AOX1: variants seen among roughly 807,000 people sequenced by gnomAD.
The protein encoded by AOX1 is aldehyde oxidase 1.
A neutral mutation model predicts 169.5 loss-of-function variants in AOX1; 153 were observed. The observed-to-expected ratio is 0.90, with a 90% CI of 0.79 to 1.03. AOX1 has a LOEUF of 1.03. Among genes scored for constraint, AOX1 ranks in the 50% least tolerant of loss-of-function variants. The pLI is 0.00. For synonymous variants in AOX1, 562 were observed against 581.9 expected (o/e 0.97, Z 0.49); for missense variants, 1,656 against 1,663.9 (o/e 1.00, Z 0.08).
intron 4 of AOX1, 100 bp downstream of exon 4, chr2:200,597,605 G>T (rs543743557): frequency 1.7e-4 from 120 of 694,004 alleles, no homozygotes; most frequent in Admixed American, 3.6e-4. Flanking sequence ...GGGCCTGCTG[G>T]CTCGGCCACT....
chr2:200,668,600 T>C lies in AOX1; in HGVS notation c.3610-15T>C. 6.3e-7 allele frequency: 1 copy of C among 1,583,354 alleles called. No homozygotes were observed. Among genetic ancestry groups the C allele is most frequent in the Non-Finnish European group, 8.6e-7 (1 of 1,165,708 alleles). On this transcript the variant is annotated splice_polypyrimidine_tract_variant and intron_variant, in intron 32 of 34. Coordinates refer to ENST00000374700, the MANE Select transcript of AOX1 (RefSeq NM_001159.4). The stretch of plus-strand genomic sequence containing the variant: ...TTTCTCATACGTGGAAATTCTTTTT[T>C]TGTTCTTGCCTCAGATTGAAGGTGC...
intron 10 of AOX1, among the ~76,000 whole-genome samples, chr2:200,607,467 A>C (rs1168283068): frequency 6.6e-6 from 1 of 152,190 alleles, no homozygotes; most frequent in Non-Finnish European, 1.5e-5. Flanking sequence ...TCAGGAAACA[A>C]TAAATGCTGG....
At position 200,615,976 on chromosome 2, in the gene AOX1, A is replaced by T; in HGVS notation, c.1617A>T (p.Pro539=). ...EVSQILKKMD[P]VHYPSLADKY... Reference sequence around the variant, plus strand: ...GCAATGGTTCTACTTTTCAGGATCCAGTTCACTATCCTAGCCTTGCAGACA... The same window carrying T: ...GCAATGGTTCTACTTTTCAGGATCCTGTTCACTATCCTAGCCTTGCAGACA... The change falls in exon 16 of 35, where the codon CCA becomes CCT. Residue 539 remains proline (P), a synonymous_variant. Coordinates refer to ENST00000374700, the MANE Select transcript of AOX1 (RefSeq NM_001159.4). 1.2e-6 allele frequency: 2 copies of T among 1,612,164 alleles called. No individual in the cohort carries two copies. Among genetic ancestry groups the T allele is most frequent in the Non-Finnish European group, 1.7e-6 (2 of 1,178,212 alleles).
chr2:200,642,667 T>C lies in AOX1; in HGVS notation c.2713T>C (p.Cys905Arg). ...TGCTTACAAGTTTCCCAATCTCCGC[T>C]GCCGGGGTTGGGCATGCAGAACCAA... ...DNAYKFPNLR[C>R]RGWACRTNLP... is the part of the protein sequence containing the mutation. The change falls in exon 25 of 35, where the codon TGC becomes CGC. Residue 905 changes from cysteine to arginine, a missense_variant. Physicochemically the swap from Cys to Arg is radical, Grantham distance 180. Transcript: ENST00000374700. The C allele has an allele frequency of 6.2e-7, 1 of 1,614,174 alleles. No homozygotes were observed.
chr2:200,678,344 G>A (rs2036126641), downstream of AOX1: 1 of 152,192 alleles, frequency 6.6e-6, no homozygotes, highest in South Asian at 2.1e-4. Flanking sequence ...AATTTTAAAA[G>A]TGTATAGCTA....
At chr2:200,607,083 G>A (rs372336397) in intron 10 of AOX1, among the ~76,000 whole-genome samples, 2 of 152,216 alleles carry the variant, frequency 1.3e-5, no homozygotes, top group South Asian at 2.1e-4. Context: ...AATCCTTCCA[G>A]CTTTTGCCCA....
chr2:200,587,784 G>GT (rs1388154924), intron 1 of AOX1, among the ~76,000 whole-genome samples: 1 of 152,142 alleles, frequency 6.6e-6, no homozygotes, highest in African/African-American at 2.4e-5. Flanking sequence ...TGGCTTTGTT[G>GT]TTTAGACAAA....
intron 6 of AOX1, among the ~76,000 whole-genome samples, 195 bp from the exon 7 acceptor site, chr2:200,603,072 C>T (rs2034448562): frequency 6.6e-6 from 1 of 152,068 alleles, no homozygotes; most frequent in Non-Finnish European, 1.5e-5. Context: ...TTAGTAATCA[C>T]TGCTATTCAA....
chr2:200,625,769 A>C (rs989121075), intron 19 of AOX1, among the ~76,000 whole-genome samples: 11 of 152,164 alleles, frequency 7.2e-5, no homozygotes, highest in Non-Finnish European at 7.4e-5. Flanking sequence ...CTTTTTTTTC[A>C]ACCTGGAATC....
chr2:200,624,380 G>A (rs1347720472), intron 19 of AOX1, among the ~76,000 whole-genome samples: 2 of 152,176 alleles, frequency 1.3e-5, no homozygotes, highest in East Asian at 3.8e-4. Context: ...AGGAGCTGTT[G>A]GTTACTTCTA....
chr2:200,627,302 T>A (rs1354301089), intron 19 of AOX1, 51 bp from the exon 20 acceptor site: 1 of 1,283,792 alleles, frequency 7.8e-7, no homozygotes, highest in Non-Finnish European at 1.1e-6. Context: ...TCTGCTGCCC[T>A]AGGGCAGGGT....
intron 23 of AOX1, 121 bp downstream of exon 23, chr2:200,638,423 C>A: frequency 1.2e-6 from 1 of 817,072 alleles, no homozygotes. Flanking sequence ...AAAAACAGAG[C>A]ATCTATTTAA....
intron 16 of AOX1, among the ~76,000 whole-genome samples, chr2:200,616,633 A>G (rs2034763972): frequency 6.6e-6 from 1 of 152,240 alleles, no homozygotes; most frequent in South Asian, 2.1e-4. Context: ...GTGCTCTCGT[A>G]ATGAAGGCTA....
intron 15 of AOX1, among the ~76,000 whole-genome samples, chr2:200,615,002 T>G (rs2034722728): frequency 1.1e-5 from 1 of 90,220 alleles, no homozygotes; most frequent in Admixed American, 1.3e-4. Flanking sequence ...TAGCTTTTGT[T>G]GGTTTTATTT....
At chr2:200,613,499 A>G (rs915642642) in intron 14 of AOX1, among the ~76,000 whole-genome samples, 3 of 152,192 alleles carry the variant, frequency 2.0e-5, no homozygotes, top group Admixed American at 2.0e-4. Flanking sequence ...CCTAGTGAGG[A>G]CATTTATTAG....
intron 16 of AOX1, among the ~76,000 whole-genome samples, chr2:200,618,898 G>C (rs1274338288): frequency 6.6e-6 from 1 of 152,238 alleles, no homozygotes. Context: ...GGGGGATCCA[G>C]ACAGCTTGTC....
downstream of AOX1, among the ~76,000 whole-genome samples, chr2:200,674,048 CAAGCAG>C (rs1017551924): frequency 6.6e-6 from 1 of 152,168 alleles, no homozygotes; most frequent in Non-Finnish European, 1.5e-5. Context: ...CATCCAGAAC[CAAGCAG>C]GAGCAGGAGC....
chr2:200,623,865 T>A lies in AOX1; in HGVS notation c.2006T>A (p.Phe669Tyr), dbSNP rs749722908. ...AEKFLATDKV[F>Y]CVGQLVCAVL... Reference sequence around the variant, plus strand: ...AAAGGTCTTTCTGTGTCGTAGGTGTTCTGTGTGGGTCAGCTTGTCTGTGCT... The same window carrying A: ...AAAGGTCTTTCTGTGTCGTAGGTGTACTGTGTGGGTCAGCTTGTCTGTGCT... Residue 669 changes from phenylalanine (F) to tyrosine (Y), a missense_variant, in exon 19 of 35, where the codon TTC (phenylalanine) becomes TAC (tyrosine). Phe to Tyr is a conservative substitution (Grantham distance 22). Coordinates refer to ENST00000374700, the MANE Select transcript of AOX1 (RefSeq NM_001159.4). 1.3e-5 allele frequency: 21 copies of A among 1,613,770 alleles called. No individual in the cohort carries two copies. The highest frequency in any genetic ancestry group is 1.7e-5 in the Admixed American group (1 of 60,006).
Position 200,604,963 on chromosome 2 carries a change from T to G in AOX1, c.814+123T>G, listed in dbSNP as rs189877344. 6,830 of 850,698 alleles carry G rather than the reference T, an allele frequency of 8.0e-3. 50 individuals are homozygous for G. The highest frequency in any genetic ancestry group is 0.011 in the Non-Finnish European group (5,876 of 545,804). The allele number at this position is 850,698 out of a possible 1,614,324, so 52.7% of individuals were successfully genotyped here. On this transcript the variant is annotated intron_variant, in intron 9 of 34. Coordinates refer to ENST00000374700, the MANE Select transcript of AOX1 (RefSeq NM_001159.4). ...CAGGAAAAGCAGTCTGAAATAGCAT[T>G]TTTAATCATTTGAGCTAGACTTCCT...
Sources: gnomAD v4.1 joint callset for allele counts (sites outside exome capture counted in the v4.1 genomes callset) on GRCh38, gnomAD v4.1.1 for gene constraint, MANE v1.5 for transcripts, NCBI Gene and HGNC (gene_info 2026-07-23, HGNC 2026-07-21) for gene names.